Variants in TENM3 observed in about 807,000 individuals in gnomAD.
The protein encoded by TENM3 is teneurin-3.
In TENM3, 63 loss-of-function variants were observed where a neutral mutation model predicts 255.1. The observed-to-expected ratio is 0.25, with a 90% confidence interval of 0.20 to 0.30. TENM3 has a LOEUF of 0.30. Ranked by LOEUF, TENM3 falls within the 10% of genes least tolerant of loss-of-function variation. The pLI is 1.00. For synonymous variants in TENM3, 1,306 were observed against 1,322.3 expected, an observed-to-expected ratio of 0.99 and a Z score of 0.27; for missense variants, 2,929 against 3,461.1, an observed-to-expected ratio of 0.85 and a Z score of 3.86.
the TENM3 span, among the ~76,000 whole-genome samples, chr4:181,560,330 C>G: frequency 2.0e-5 from 3 of 152,206 alleles, no homozygotes; most frequent in East Asian, 5.8e-4. Context: ...AACACCATCA[C>G]GTTGTGAGGT....
chr4:181,967,363 C>T, the TENM3 span, among the ~76,000 whole-genome samples: 637 of 152,184 alleles, frequency 4.2e-3, 5 homozygotes, highest in African/African-American at 0.015. Context: ...AGGATTTTCA[C>T]GGGGCTTTGC....
intron 3 of TENM3, among the ~76,000 whole-genome samples, chr4:182,467,537 T>TA (rs1320289783): frequency 6.6e-6 from 1 of 152,206 alleles, no homozygotes; most frequent in Non-Finnish European, 1.5e-5. Flanking sequence ...CAATAAATGA[T>TA]ATCCTGGGAT....
chr4:182,236,274 T>G (rs1039561428), intron 1 of TENM3, among the ~76,000 whole-genome samples: 3 of 152,232 alleles, frequency 2.0e-5, no homozygotes, highest in Admixed American at 6.5e-5. Context: ...CTGCAGTTAA[T>G]ACTTCTGAAA....
At chr4:182,708,215 G>C (rs1758441267) in intron 12 of TENM3, among the ~76,000 whole-genome samples, 2 of 152,134 alleles carry the variant, frequency 1.3e-5, no homozygotes, top group South Asian at 4.1e-4. Flanking sequence ...ACTTAGAACA[G>C]TATTTGGCAC....
intron 1 of TENM3, among the ~76,000 whole-genome samples, chr4:182,153,704 G>A (rs1435432399): frequency 6.6e-6 from 1 of 152,118 alleles, no homozygotes; most frequent in Non-Finnish European, 1.5e-5. Context: ...CACATTATCT[G>A]ATGAAAGTAG....
the TENM3 span, among the ~76,000 whole-genome samples, chr4:181,863,894 A>C: frequency 6.6e-6 from 1 of 152,204 alleles, no homozygotes; most frequent in Non-Finnish European, 1.5e-5. Flanking sequence ...AGCACAGCCC[A>C]TGATGAGCAA....
chr4:181,937,110 G>T, the TENM3 span, among the ~76,000 whole-genome samples: 3 of 152,194 alleles, frequency 2.0e-5, no homozygotes, highest in Non-Finnish European at 2.9e-5. Context: ...GGCAAAGCAG[G>T]TATGGGAGCA....
chr4:181,589,551 T>G, the TENM3 span, among the ~76,000 whole-genome samples: 1 of 152,126 alleles, frequency 6.6e-6, no homozygotes, highest in African/African-American at 2.4e-5. Flanking sequence ...CTATAATGTT[T>G]AGGGGGGGCA....
the TENM3 span, among the ~76,000 whole-genome samples, chr4:181,781,332 C>T: frequency 6.6e-6 from 1 of 152,204 alleles, no homozygotes; most frequent in South Asian, 2.1e-4. Flanking sequence ...TGAAGAGTTC[C>T]TTCACATCCC....
At chr4:182,482,778 T>C (rs1200821938) in intron 3 of TENM3, among the ~76,000 whole-genome samples, 2 of 152,218 alleles carry the variant, frequency 1.3e-5, no homozygotes, top group Non-Finnish European at 2.9e-5. Flanking sequence ...GAATATGGTC[T>C]ATTTTTATGG....
In TENM3 at chr4:182,440,358, C is replaced by T. The variant is rs549445773; in HGVS notation, c.511+93429C>T. The stretch of plus-strand genomic sequence containing the variant: ...TGAACTCCTGACCTCATGATCCACC[C>T]GCCTCGGCCTCCCAAAGTGCTGGGA... On this transcript the variant is annotated intron_variant, in intron 3 of 27. Coordinates refer to ENST00000511685, the MANE Select transcript of TENM3 (RefSeq NM_001080477.4). 1.5e-4 allele frequency among the ~76,000 whole-genome samples: 23 copies of T among 152,170 alleles called. No individual in the cohort carries two copies. The South Asian group carries it at 1.9e-3, about 12-fold the overall frequency.
chr4:181,883,946 T>G, the TENM3 span, among the ~76,000 whole-genome samples: 2 of 152,324 alleles, frequency 1.3e-5, no homozygotes, highest in South Asian at 4.1e-4. Context: ...CGTGTTCAGT[T>G]GCAAGGTTCC....
chr4:181,813,543 C>T, the TENM3 span, among the ~76,000 whole-genome samples: 3 of 152,148 alleles, frequency 2.0e-5, no homozygotes, highest in African/African-American at 7.2e-5. Context: ...CCAGATCCAG[C>T]ATACACAAAT....
chr4:182,131,588 G>C, the TENM3 span, among the ~76,000 whole-genome samples: 1 of 152,154 alleles, frequency 6.6e-6, no homozygotes, highest in African/African-American at 2.4e-5. Flanking sequence ...AATGCTGCCT[G>C]TAGGAAGAGT....
At chr4:181,477,394 AG>A in the TENM3 span, among the ~76,000 whole-genome samples, 1,311 of 152,266 alleles carry the variant, frequency 8.6e-3, 20 homozygotes, top group African/African-American at 0.03. Flanking sequence ...CAGAGGATAC[AG>A]TTTCTCACTT....
At chr4:181,865,439 C>T in the TENM3 span, among the ~76,000 whole-genome samples, 47 of 152,126 alleles carry the variant, frequency 3.1e-4, no homozygotes, top group Admixed American at 1.2e-3. Flanking sequence ...AAAATGCATT[C>T]TTTGGAGTTG....
At chr4:182,241,518 C>CTTTCTTTTTT (rs1201901411), upstream of TENM3, among the ~76,000 whole-genome samples, 2 of 114,278 alleles carry the variant, frequency 1.8e-5, no homozygotes, top group African/African-American at 7.7e-5. Flanking sequence ...TTTTTTCTTT[C>CTTTCTTTTTT]TTTTTTTTTT....
At chr4:181,523,578 AT>A in the TENM3 span, among the ~76,000 whole-genome samples, 264 of 152,204 alleles carry the variant, frequency 1.7e-3, 1 homozygote, top group African/African-American at 5.9e-3. Flanking sequence ...AGAAAATGGG[AT>A]TGTACATTCT....
the TENM3 span, among the ~76,000 whole-genome samples, chr4:182,009,889 GCAGTTT>G: frequency 1.3e-5 from 2 of 152,190 alleles, no homozygotes; most frequent in East Asian, 3.9e-4. Context: ...CGTGGAAAAA[GCAGTTT>G]CCCCAGCTGC....
Sources: allele counts gnomAD v4.1 joint callset (sites outside exome capture counted in the v4.1 genomes callset), GRCh38; gene constraint gnomAD v4.1.1; transcripts MANE v1.5; gene names NCBI Gene and HGNC (gene_info 2026-07-23, HGNC 2026-07-21).